Variants in BAHCC1 observed in about 807,000 individuals in gnomAD.
The protein encoded by BAHCC1 is BAH domain and coiled-coil containing 1.
A neutral mutation model predicts 88.2 loss-of-function variants in BAHCC1; 43 were observed. That is an observed-to-expected ratio of 0.49 (90% CI 0.38 to 0.63). The LOEUF (loss-of-function observed/expected upper bound fraction) is 0.63. BAHCC1 is among the 20% of genes least tolerant of loss of function. The probability of loss-of-function intolerance (pLI) is 0.00; values close to 1 mark genes in which losing one functional copy is unlikely to be tolerated. For synonymous variants in BAHCC1, 1,510 were observed against 745.5 expected (o/e 2.03, Z -16.71); for missense variants, 3,023 against 1,654.8 (o/e 1.83, Z -14.34).
rs782643345 is a variant in BAHCC1 at position 81,415,445 on chromosome 17, C to T, written c.179-11355C>T. On this transcript the variant is annotated intron_variant, in intron 2 of 27. Transcript: ENST00000675386. ...GGCATACGTCCCCCTGGAAGGGTAA[C>T]GCGAGCGCGAGGCCCCATGTGGTTG... 8 of 453,958 alleles carry T rather than the reference C, an allele frequency of 1.8e-5. No individual in the cohort carries two copies. In the East Asian group the frequency reaches 2.6e-4, roughly 15 times the overall value. The allele number at this position is 453,958 out of a possible 1,614,324, so 28.1% of individuals were successfully genotyped here.
chr17:81,443,949 G>A (rs1425696959), intron 6 of BAHCC1, 32 bp downstream of exon 6: 7 of 704,652 alleles, frequency 9.9e-6, no homozygotes, highest in Non-Finnish European at 1.3e-5. Flanking sequence ...CTGGAGAGTG[G>A]GGCTAGGCCT....
At chr17:81,456,186 C>A in intron 15 of BAHCC1, 111 bp from the exon 16 acceptor site, 1 of 615,638 alleles carries the variant, frequency 1.6e-6, no homozygotes, top group Admixed American at 3.1e-5. Context: ...AGGGCAGGGG[C>A]CTCGAGGTAC....
intron 3 of BAHCC1, among the ~76,000 whole-genome samples, chr17:81,432,729 A>G (rs2064279626): frequency 1.5e-4 from 2 of 13,632 alleles, no homozygotes; most frequent in African/African-American, 4.6e-4. Context: ...CGCCATCCCC[A>G]GACCCACCCT....
intron 2 of BAHCC1, among the ~76,000 whole-genome samples, chr17:81,418,658 C>T (rs1317095780): frequency 6.6e-6 from 1 of 152,162 alleles, no homozygotes; most frequent in African/African-American, 2.4e-5. Flanking sequence ...TGGTGGAGGC[C>T]TGAGCCCTGG....
intron 27 of BAHCC1, among the ~76,000 whole-genome samples, chr17:81,463,398 C>T (rs949134979): frequency 6.6e-6 from 1 of 152,232 alleles, no homozygotes; most frequent in Non-Finnish European, 1.5e-5. Flanking sequence ...ACTCCGACAG[C>T]CCCCAGAGGG....
rs782780981 is a variant in BAHCC1 at position 81,444,409 on chromosome 17, C to G, written c.2353C>G (p.Arg785Gly). Residue 785 changes from arginine to glycine, a missense_variant, in exon 7 of 28, where the codon CGG becomes GGG. Arg to Gly is a moderately radical substitution (Grantham distance 125). Transcript: ENST00000675386. Reference sequence around the variant, plus strand: ...CAGCAAAGACCGCGTAGAGTTCGCCCGGATCCACCCACCGAGCAGCTGCCC... The same window carrying G: ...CAGCAAAGACCGCGTAGAGTTCGCCGGGATCCACCCACCGAGCAGCTGCCC... ...QDSKDRVEFARIHPPSSCPGD... is the reference protein window; with the variant it reads ...QDSKDRVEFAGIHPPSSCPGD... 2 of 749,024 alleles carry G rather than the reference C, an allele frequency of 2.7e-6. No individual in the cohort carries two copies. Among genetic ancestry groups the G allele is most frequent in the South Asian group, 1.4e-5 (1 of 69,688 alleles). 46.4% of individuals were successfully genotyped at this position (749,024 alleles called of 1,614,324 possible).
intron 2 of BAHCC1, among the ~76,000 whole-genome samples, chr17:81,420,329 G>A (rs1472937935): frequency 1.3e-5 from 2 of 152,188 alleles, no homozygotes; most frequent in African/African-American, 2.4e-5. Context: ...ACTGTGTGCC[G>A]GCCTCCCCAC....
At position 81,458,210 on chromosome 17, in the gene BAHCC1, G is replaced by T; in HGVS notation, c.5087G>T (p.Arg1696Met). The stretch of plus-strand genomic sequence containing the variant: ...CCTGAGAGTGAGGTCAAGATCAAGA[G>T]GCGGTCGGTGAAGGCCAAGGTGGGC... Reference protein sequence around the residue: ...SSPESEVKIKRRSVKAKVGTT... With the variant: ...SSPESEVKIKMRSVKAKVGTT... The change falls in exon 18 of 28, where the codon AGG becomes ATG. Residue 1696 changes from arginine to methionine, a missense_variant. By Grantham distance (91) the Arg-to-Met change is moderately conservative. Transcript: ENST00000675386. The T allele has an allele frequency of 1.4e-6, 1 of 730,028 alleles. No homozygotes were observed. Among genetic ancestry groups the T allele is most frequent in the Non-Finnish European group, 2.5e-6 (1 of 392,676 alleles). The allele number at this position is 730,028 out of a possible 1,614,324, so 45.2% of individuals were successfully genotyped here. A position where few individuals can be genotyped will look rare whatever the true frequency, so the allele number is the denominator to read the frequency against.
chr17:81,447,271 C>T lies in BAHCC1; in HGVS notation c.3399C>T (p.Thr1133=). 1.4e-6 allele frequency: 1 copy of T among 713,750 alleles called. No individual in the cohort carries two copies. The highest frequency in any genetic ancestry group is 2.6e-6 in the Non-Finnish European group (1 of 388,820). The allele number at this position is 713,750 out of a possible 1,614,324, so 44.2% of individuals were successfully genotyped here. A position where few individuals can be genotyped will look rare whatever the true frequency, so the allele number is the denominator to read the frequency against. Residue 1133 remains threonine (T), a synonymous_variant, in exon 11 of 28, where the codon ACC becomes ACT. Coordinates refer to ENST00000675386, the MANE Select transcript of BAHCC1 (RefSeq NM_001377448.1). ...AGGCCACCCAGGACCTTGCCGCCAC[C>T]CCCTACCCTACCGAGCGGGGACCCC... The part of the protein sequence containing the change: ...AREATQDLAA[T]PYPTERGPQG...
intron 22 of BAHCC1, 30 bp downstream of exon 22, chr17:81,459,358 G>A (rs2030042071): frequency 1.3e-6 from 1 of 772,512 alleles, no homozygotes; most frequent in African/African-American, 1.7e-5. Context: ...GCCCCGGGGA[G>A]GGGCCTGGCT....
At chr17:81,447,948 C>T in intron 11 of BAHCC1, 100 bp downstream of exon 11, 1 of 671,910 alleles carries the variant, frequency 1.5e-6, no homozygotes, top group Admixed American at 2.1e-5. Context: ...GGGCCCCGCT[C>T]AGTTGTCCCC....
intron 2 of BAHCC1, among the ~76,000 whole-genome samples, chr17:81,418,289 T>C (rs7220557): frequency 0.18 from 27,121 of 152,096 alleles, 2,622 homozygotes; most frequent in Non-Finnish European, 0.19. Context: ...CCGAGAAACA[T>C]TGGGTCCTGC....
At chr17:81,444,221 C>T in intron 6 of BAHCC1, 160 bp from the exon 7 acceptor site, 1 of 612,122 alleles carries the variant, frequency 1.6e-6, no homozygotes, top group Non-Finnish European at 2.9e-6. Context: ...AGGTCCCGTT[C>T]TCCCTCCCAG....
At position 81,435,432 on chromosome 17, in the gene BAHCC1, T is replaced by A. The variant is rs1477715325; in HGVS notation, c.359-2938T>A. 4.3e-6 allele frequency: 2 copies of A among 470,058 alleles called. No homozygotes were observed. Among genetic ancestry groups the A allele is most frequent in the Non-Finnish European group, 8.8e-6 (2 of 226,888 alleles). 29.1% of individuals were successfully genotyped at this position (470,058 alleles called of 1,614,324 possible). On this transcript the variant is annotated intron_variant, in intron 3 of 27. Transcript: ENST00000675386. The surrounding 1 kb of genome is among the most constrained non-coding windows in gnomAD (Gnocchi z 4.4). ...CTGCCCCCAGGGCTCTTCCCCACGCTCCACCAGGCTCCGAGGGCACCAGCA... is the reference window on the plus strand; with the variant it reads ...CTGCCCCCAGGGCTCTTCCCCACGCACCACCAGGCTCCGAGGGCACCAGCA...
In BAHCC1 at chr17:81,442,877, G is replaced by C; in HGVS notation, c.1528G>C (p.Asp510His). 1.3e-6 allele frequency: 1 copy of C among 779,414 alleles called. No homozygotes were observed. The highest frequency in any genetic ancestry group is 2.4e-6 in the Non-Finnish European group (1 of 417,886). The allele number at this position is 779,414 out of a possible 1,614,324, so 48.3% of individuals were successfully genotyped here. A position where few individuals can be genotyped will look rare whatever the true frequency, so the allele number is the denominator to read the frequency against. Residue 510 changes from aspartate to histidine, a missense_variant, in exon 5 of 28, where the codon GAC becomes CAC. Asp to His is a moderately conservative substitution (Grantham distance 81). Coordinates refer to ENST00000675386, the MANE Select transcript of BAHCC1 (RefSeq NM_001377448.1). ...SQDCARPGHQ[D>H]PLGGKAPQAC... ...GGACTGTGCCCGGCCTGGTCACCAG[G>C]ACCCGCTGGGCGGGAAGGCCCCCCA... is the stretch of plus-strand genomic sequence containing the variant.
chr17:81,412,584 C>T (rs1313976568), intron 2 of BAHCC1, among the ~76,000 whole-genome samples: 1 of 152,196 alleles, frequency 6.6e-6, no homozygotes. Context: ...ACGCTTCAGC[C>T]TGCGTTGCTG....
intron 2 of BAHCC1, among the ~76,000 whole-genome samples, chr17:81,425,755 G>A (rs1460949763): frequency 1.0e-5 from 1 of 96,072 alleles, no homozygotes; most frequent in Non-Finnish European, 2.1e-5. Context: ...TTGGTGTGAT[G>A]TGGTTGGTGG....
Position 81,404,792 on chromosome 17 carries a change from C to T in BAHCC1, c.178+4875C>T, listed in dbSNP as rs146974158. 3.1e-4 allele frequency among the ~76,000 whole-genome samples: 47 copies of T among 152,274 alleles called. No individual in the cohort carries two copies. The East Asian group carries it at 6.2e-3, about 20-fold the overall frequency. On this transcript the variant is annotated intron_variant, in intron 2 of 27. Coordinates refer to ENST00000675386, the MANE Select transcript of BAHCC1 (RefSeq NM_001377448.1). Reference sequence around the variant, plus strand: ...CTGCAGTCTCTCCTGGAGGCTGAGGCGTGGCAGGTAGCACCTCTGTCCCCT... The same window carrying T: ...CTGCAGTCTCTCCTGGAGGCTGAGGTGTGGCAGGTAGCACCTCTGTCCCCT...
intron 7 of BAHCC1, 38 bp from the exon 8 acceptor site, chr17:81,444,630 G>T (rs1344416040): frequency 1.7e-5 from 13 of 761,984 alleles, no homozygotes; most frequent in Admixed American, 1.4e-4. Context: ...TGGTCCCCGA[G>T]AGTGCGAGGC....
Sources: allele counts gnomAD v4.1 joint callset (sites outside exome capture counted in the v4.1 genomes callset), GRCh38; gene constraint gnomAD v4.1.1; non-coding constraint Gnocchi (gnomAD v3.1); transcripts MANE v1.5; gene names NCBI Gene and HGNC (gene_info 2026-07-23, HGNC 2026-07-21).